The following SRD5A2 variants were observed in gnomAD, a reference collection of about 807,000 sequenced individuals.
SRD5A2 encodes the protein steroid 5 alpha-reductase 2.
A neutral mutation model predicts 27.4 loss-of-function variants in SRD5A2; 30 were observed. The ratio of observed to expected loss-of-function variants is 1.10; its 90% confidence interval spans 0.82 to 1.49. The LOEUF (loss-of-function observed/expected upper bound fraction) is 1.49, where lower values mean the gene tolerates loss of function less well. SRD5A2 is among the 40% of genes most tolerant of loss of function. The pLI, the probability that SRD5A2 is intolerant of heterozygous loss-of-function variation, is 0.00. For synonymous variants in SRD5A2, 141 were observed against 133.6 expected, an observed-to-expected ratio of 1.06 and a Z score of -0.38; for missense variants, 348 against 323.4, an observed-to-expected ratio of 1.08 and a Z score of -0.58.
chr2:31,615,320 A>T, the SRD5A2 span, among the ~76,000 whole-genome samples: 27 of 152,146 alleles, frequency 1.8e-4, no homozygotes, highest in Non-Finnish European at 2.2e-4. Flanking sequence ...CTTCCTAGAG[A>T]CTTGTTGAAT....
At chr2:31,624,414 G>A in the SRD5A2 span, among the ~76,000 whole-genome samples, 1 of 151,766 alleles carries the variant, frequency 6.6e-6, no homozygotes, top group East Asian at 1.9e-4. Context: ...TGCACAACAT[G>A]CAGATTTGTT....
the SRD5A2 span, among the ~76,000 whole-genome samples, chr2:31,655,335 G>A: frequency 1.8e-4 from 27 of 152,110 alleles, no homozygotes; most frequent in South Asian, 4.2e-4. Flanking sequence ...TCCTGACCTC[G>A]TGTGATCCAC....
At chr2:31,531,561 G>GGGGAATTTAATTCCAAAAAATGAAGGGAA in intron 2 of SRD5A2, 89 bp from the exon 3 acceptor site, 2 of 820,850 alleles carry the variant, frequency 2.4e-6, no homozygotes, top group East Asian at 2.7e-5. Context: ...AATGAAAGGA[G>GGGGAATTTAATTCCAAAAAATGAAGGGAA]GGGCATTTAA....
chr2:31,578,574 A>G (rs1181455421), intron 1 of SRD5A2, among the ~76,000 whole-genome samples: 4 of 152,156 alleles, frequency 2.6e-5, no homozygotes, highest in African/African-American at 9.7e-5. Context: ...CAGATCACAC[A>G]CTCCAGTGGC....
the SRD5A2 span, among the ~76,000 whole-genome samples, chr2:31,621,442 T>A: frequency 6.6e-6 from 1 of 152,148 alleles, no homozygotes; most frequent in African/African-American, 2.4e-5. Flanking sequence ...ATTTTGTTCA[T>A]ATTTATTGCT....
At chr2:31,653,652 C>A in the SRD5A2 span, among the ~76,000 whole-genome samples, 1 of 152,076 alleles carries the variant, frequency 6.6e-6, no homozygotes. Context: ...AAATATCCTG[C>A]AAACTCCAAT....
rs1201426129 is a variant in SRD5A2 at position 31,542,962 on chromosome 2, T to A, written c.282-9196A>T. Among the ~76,000 whole-genome samples the A allele has an allele frequency of 3.3e-5, 5 of 152,204 alleles. No individual in the cohort carries two copies. The East Asian group carries it at 9.6e-4, about 29-fold the overall frequency. On this transcript the variant is annotated intron_variant, in intron 1 of 4. Transcript: ENST00000622030. ...TCCAAGAAGCTCAATTAACTCCAAG[T>A]AAGATGAATTCATAGATACCCACAT...
Position 31,580,888 on chromosome 2 carries a change from A to C in SRD5A2, c.13T>G (p.Cys5Gly). Residue 5 changes from cysteine to glycine, a missense_variant, in exon 1 of 5, where the codon TGC becomes GGC. By Grantham distance (159) the Cys-to-Gly change is radical. Transcript: ENST00000622030. MQVQCQQSPVLAGSA... is the reference protein window; with the variant it reads MQVQGQQSPVLAGSA... ...CCTGCCAGCACTGGGCTCTGCTGGC[A>C]CTGAACCTGCATCGCGCCGTGTTCC... The C allele has an allele frequency of 6.2e-7, 1 of 1,604,964 alleles. No homozygotes were observed. The highest frequency in any genetic ancestry group is 8.5e-7 in the Non-Finnish European group (1 of 1,175,686).
the SRD5A2 span, among the ~76,000 whole-genome samples, chr2:31,611,722 T>C: frequency 1.3e-5 from 2 of 152,132 alleles, no homozygotes; most frequent in Admixed American, 1.3e-4. Flanking sequence ...AAGTACAAAA[T>C]GGTACAACCA....
At chr2:31,579,777 T>C (rs1255549742) in intron 1 of SRD5A2, among the ~76,000 whole-genome samples, 1 of 152,264 alleles carries the variant, frequency 6.6e-6, no homozygotes, top group African/African-American at 2.4e-5. Flanking sequence ...GAGACTTTAC[T>C]GAGGCTGGAC....
At chr2:31,552,763 C>T (rs1231953416) in intron 1 of SRD5A2, among the ~76,000 whole-genome samples, 2 of 152,110 alleles carry the variant, frequency 1.3e-5, no homozygotes, top group Admixed American at 1.3e-4. Flanking sequence ...TCTAGCTGGG[C>T]TAATTGATGA....
chr2:31,644,858 A>T, the SRD5A2 span, among the ~76,000 whole-genome samples: 1 of 152,188 alleles, frequency 6.6e-6, no homozygotes, highest in Non-Finnish European at 1.5e-5. Context: ...AAGGACAGAG[A>T]GGTGTGATGT....
chr2:31,542,334 C>T (rs995286684), intron 1 of SRD5A2, among the ~76,000 whole-genome samples: 5 of 152,082 alleles, frequency 3.3e-5, no homozygotes, highest in Non-Finnish European at 7.4e-5. Context: ...ATAGTGAGAC[C>T]TCATCTCTAT....
chr2:31,580,961 C>A (rs534194128), upstream of SRD5A2: 24 of 1,529,762 alleles, frequency 1.6e-5, no homozygotes, highest in African/African-American at 2.2e-4. Context: ...CCCCCGCAAC[C>A]CCTTTATGGA....
At chr2:31,593,331 C>A in the SRD5A2 span, among the ~76,000 whole-genome samples, 1 of 151,318 alleles carries the variant, frequency 6.6e-6, no homozygotes, top group Non-Finnish European at 1.5e-5. Context: ...AAATATATAT[C>A]ATAAAGAAAA....
chr2:31,638,019 G>T, the SRD5A2 span, among the ~76,000 whole-genome samples: 2 of 152,010 alleles, frequency 1.3e-5, no homozygotes, highest in African/African-American at 4.8e-5. Flanking sequence ...TGCATCATTA[G>T]GTTGTTTATT....
the SRD5A2 span, among the ~76,000 whole-genome samples, chr2:31,587,922 A>T: frequency 6.6e-6 from 1 of 152,186 alleles, no homozygotes; most frequent in Non-Finnish European, 1.5e-5. Context: ...ATTTTTAAAA[A>T]TTTTAAAAAG....
chr2:31,648,108 G>A, the SRD5A2 span, among the ~76,000 whole-genome samples: 1 of 152,160 alleles, frequency 6.6e-6, no homozygotes, highest in Admixed American at 6.5e-5. Flanking sequence ...CAATATAAGG[G>A]TGATTCACTG....
the SRD5A2 span, among the ~76,000 whole-genome samples, chr2:31,612,798 G>A: frequency 6.6e-6 from 1 of 152,174 alleles, no homozygotes; most frequent in East Asian, 1.9e-4. Flanking sequence ...AAAACAGCAT[G>A]CTATTGGAAT....
Sources: gnomAD v4.1 joint callset for allele counts (sites outside exome capture counted in the v4.1 genomes callset) on GRCh38, gnomAD v4.1.1 for gene constraint, MANE v1.5 for transcripts, NCBI Gene and HGNC (gene_info 2026-07-23, HGNC 2026-07-21) for gene names.